The following CTBP2 variants were observed in gnomAD, a reference collection of about 807,000 sequenced individuals.
The protein encoded by CTBP2 is C-terminal-binding protein 2.
A neutral mutation model predicts 80.3 loss-of-function variants in CTBP2; 30 were observed. The observed-to-expected ratio is 0.37, with a 90% CI of 0.28 to 0.51. The LOEUF (loss-of-function observed/expected upper bound fraction) is 0.51. CTBP2 is among the 20% of genes least tolerant of loss of function. CTBP2 has a pLI of 0.93. For synonymous variants in CTBP2, 594 were observed against 587.4 expected (o/e 1.01, Z -0.16); for missense variants, 1,212 against 1,375.3 (o/e 0.88, Z 1.88).
intron 2 of CTBP2, among the ~76,000 whole-genome samples, chr10:125,097,383 A>G (rs1849692769): frequency 6.6e-6 from 1 of 152,230 alleles, no homozygotes; most frequent in Non-Finnish European, 1.5e-5. Context: ...AGCACAGTCT[A>G]ATTATCCCAA....
chr10:125,092,831 TACC>T (rs59967958), intron 2 of CTBP2, among the ~76,000 whole-genome samples: 5,192 of 152,218 alleles, frequency 0.034, 272 homozygotes, highest in African/African-American at 0.12. Context: ...CATGCCCAGT[TACC>T]ACATGAGAGC....
intron 1 of CTBP2, among the ~76,000 whole-genome samples, chr10:125,114,277 G>C (rs1852808176): frequency 6.6e-6 from 1 of 152,158 alleles, no homozygotes; most frequent in South Asian, 2.1e-4. Context: ...CCAGACAGGG[G>C]TCCTATTTCT....
intron 2 of CTBP2, among the ~76,000 whole-genome samples, chr10:125,073,449 G>A (rs545821360): frequency 1.1e-4 from 16 of 152,276 alleles, no homozygotes; most frequent in Non-Finnish European, 1.5e-4. Context: ...TCACCATGTT[G>A]GCCAGGCTGG....
chr10:125,118,693 A>T (rs1021503947), intron 1 of CTBP2, among the ~76,000 whole-genome samples: 1 of 128,178 alleles, frequency 7.8e-6, no homozygotes, highest in African/African-American at 2.9e-5. Context: ...CTGAACTTGA[A>T]AGAGACCAGT....
intron 8 of CTBP2, among the ~76,000 whole-genome samples, chr10:124,991,335 A>G (rs560787942): frequency 6.6e-6 from 1 of 152,282 alleles, no homozygotes; most frequent in East Asian, 1.9e-4. Flanking sequence ...CTCAGTGCAC[A>G]CATACTGTTC....
chr10:125,098,015 G>A (rs1028324415), intron 2 of CTBP2, among the ~76,000 whole-genome samples: 2 of 152,132 alleles, frequency 1.3e-5, no homozygotes, highest in Non-Finnish European at 2.9e-5. Flanking sequence ...CAGCTACTAG[G>A]GAGGCTGAGG....
upstream of CTBP2, chr10:125,162,305 C>G (rs1861944751): frequency 6.6e-6 from 1 of 152,266 alleles, no homozygotes; most frequent in Non-Finnish European, 1.5e-5. Flanking sequence ...TGCCCCGCGC[C>G]CTGCAGAGCC....
At chr10:125,133,565 G>C (rs10901867) in intron 1 of CTBP2, 1 of 152,152 alleles carries the variant, frequency 6.6e-6, no homozygotes, top group Non-Finnish European at 1.5e-5. Flanking sequence ...CCACCTCTTC[G>C]GAGGGTGTCT....
chr10:125,111,754 C>T (rs1327864660), intron 1 of CTBP2, among the ~76,000 whole-genome samples: 3 of 152,214 alleles, frequency 2.0e-5, no homozygotes, highest in African/African-American at 7.2e-5. Context: ...CATGGTGGGA[C>T]CCACATCATC....
chr10:125,038,959 T>C lies in CTBP2; in HGVS notation c.58+38A>G, dbSNP rs778285015. 14 of 1,603,296 alleles carry C rather than the reference T, an allele frequency of 8.7e-6. No homozygotes were observed. The South Asian group carries it at 1.3e-4, about 15-fold the overall frequency. ...GCCAGCGAAGATTTGAGTGAGGGAC[T>C]ACGTATGTTTGGTAAAAACCGCCAA... On this transcript the variant is annotated intron_variant, in intron 3 of 10. Transcript: ENST00000337195.
intron 2 of CTBP2, among the ~76,000 whole-genome samples, chr10:125,072,326 T>C (rs962452787): frequency 2.6e-5 from 4 of 151,168 alleles, no homozygotes; most frequent in Admixed American, 6.6e-5. Flanking sequence ...GAAAAGGAAA[T>C]TGACGAAGCT....
intron 2 of CTBP2, among the ~76,000 whole-genome samples, chr10:125,042,821 GAAGGTC>G (rs1257534572): frequency 6.6e-6 from 1 of 152,208 alleles, no homozygotes; most frequent in African/African-American, 2.4e-5. Context: ...AAACCTCAGT[GAAGGTC>G]AAGGTCAACA....
chr10:125,092,176 C>CTTTTTTTTTT (rs71029238), intron 2 of CTBP2, among the ~76,000 whole-genome samples: 4 of 87,098 alleles, frequency 4.6e-5, no homozygotes, highest in African/African-American at 1.7e-4. Context: ...TCTGAAGATT[C>CTTTTTTTTTT]TTTTTTTTTT....
At position 125,103,418 on chromosome 10, in the gene CTBP2, G is replaced by A. The variant is rs924502680; in HGVS notation, c.-102+7572C>T. Among the ~76,000 whole-genome samples the A allele has an allele frequency of 2.6e-5, 4 of 152,330 alleles. No homozygotes were observed. In the East Asian group the frequency reaches 7.7e-4, roughly 29 times the overall value. On this transcript the variant is annotated intron_variant, in intron 2 of 10. Coordinates refer to the CTBP2 transcript ENST00000337195. ...CTGGAAGGTTCTAAGTTCGTAGTCAGAGTCCTGCTCCTTGGTCCAAGTCCA... is the reference window on the plus strand; with the variant it reads ...CTGGAAGGTTCTAAGTTCGTAGTCAAAGTCCTGCTCCTTGGTCCAAGTCCA...
At chr10:125,050,586 C>T (rs549046141) in intron 2 of CTBP2, among the ~76,000 whole-genome samples, 1 of 152,232 alleles carries the variant, frequency 6.6e-6, no homozygotes, top group East Asian at 1.9e-4. Context: ...ACAAATTCAT[C>T]TTTGCCTATC....
intron 2 of CTBP2, among the ~76,000 whole-genome samples, chr10:125,096,463 G>A (rs1849559695): frequency 6.6e-6 from 1 of 152,154 alleles, no homozygotes. Flanking sequence ...CTATTTCCCA[G>A]CTCAGAAGTG....
chr10:125,131,315 G>C (rs761587135), intron 1 of CTBP2, among the ~76,000 whole-genome samples: 14 of 152,176 alleles, frequency 9.2e-5, no homozygotes, highest in Non-Finnish European at 1.3e-4. Flanking sequence ...AGCCCGACTT[G>C]CTTCTAAACT....
At chr10:125,134,653 C>G (rs1016436437) in intron 1 of CTBP2, among the ~76,000 whole-genome samples, 1 of 152,160 alleles carries the variant, frequency 6.6e-6, no homozygotes, top group African/African-American at 2.4e-5. Flanking sequence ...CCACAGCAGC[C>G]CCAGACACGC....
chr10:125,142,534 A>G (rs1858010524), intron 1 of CTBP2, among the ~76,000 whole-genome samples: 1 of 152,172 alleles, frequency 6.6e-6, no homozygotes, highest in Admixed American at 6.5e-5. Flanking sequence ...CGGTGATGGG[A>G]TGGTTCCGCA....
Sources: gnomAD v4.1 joint callset for allele counts (sites outside exome capture counted in the v4.1 genomes callset) on GRCh38, gnomAD v4.1.1 for gene constraint, MANE v1.5 for transcripts, NCBI Gene and HGNC (gene_info 2026-07-23, HGNC 2026-07-21) for gene names.